Variants in OSBPL5 observed in about 807,000 individuals in gnomAD.
OSBPL5 encodes the protein oxysterol binding protein like 5, also known as oxysterol-binding protein-related protein 5.
Under a neutral mutation model 111.2 loss-of-function variants are expected in OSBPL5, and 71 were observed. That is an observed-to-expected ratio of 0.64 (90% CI 0.53 to 0.78). OSBPL5 has a LOEUF of 0.78. Ranked by LOEUF, OSBPL5 falls within the 30% of genes least tolerant of loss-of-function variation. OSBPL5 has a pLI of 0.00. For missense variants in OSBPL5, 1,210 were observed against 1,189.3 expected, an observed-to-expected ratio of 1.02 and a Z score of -0.26; for synonymous variants, 549 against 513.9, an observed-to-expected ratio of 1.07 and a Z score of -0.93.
intron 10 of OSBPL5, among the ~76,000 whole-genome samples, chr11:3,103,848 T>TTCCTGCCTCTGCAGCCCCC (rs1230373198): frequency 2.2e-4 from 12 of 55,176 alleles, no homozygotes; most frequent in East Asian, 1.3e-3. Flanking sequence ...CTGCAGCCCC[T>TTCCTGCCTCTGCAGCCCCC]TTCCAGTCTG....
Position 3,130,774 on chromosome 11 carries a change from C to G in OSBPL5, c.-21-1605G>C, listed in dbSNP as rs576584248. Among the ~76,000 whole-genome samples the G allele has an allele frequency of 2.0e-3, 304 of 152,338 alleles. 1 individual carries two copies. Among genetic ancestry groups the G allele is most frequent in the African/African-American group, 7.1e-3 (296 of 41,574 alleles). On this transcript the variant is annotated intron_variant, in intron 1 of 21. Coordinates refer to ENST00000263650, the MANE Select transcript of OSBPL5 (RefSeq NM_020896.4). The surrounding 1 kb of genome is among the most constrained non-coding windows in gnomAD (Gnocchi z 4.5). ...CTGCCCACTCAGTGTCTCAGCTTGGCTCAGCCAACCTGCCGCAGGGAAGCA... is the reference window on the plus strand; with the variant it reads ...CTGCCCACTCAGTGTCTCAGCTTGGGTCAGCCAACCTGCCGCAGGGAAGCA...
Position 3,088,068 on chromosome 11 carries a change from G to C in OSBPL5, c.*137C>G, listed in dbSNP as rs1023657819. 2.4e-6 allele frequency: 2 copies of C among 828,890 alleles called. No homozygotes were observed. Among genetic ancestry groups the C allele is most frequent in the South Asian group, 4.8e-5 (2 of 42,052 alleles). 51.3% of individuals were successfully genotyped at this position (828,890 alleles called of 1,614,324 possible). ...GGGCCCGCAGCGCCTTGTGGCCCCGGGTCCCTCCTGCGCCTGGACTCCCCG... is the reference window on the plus strand; with the variant it reads ...GGGCCCGCAGCGCCTTGTGGCCCCGCGTCCCTCCTGCGCCTGGACTCCCCG... On this transcript the variant is annotated 3_prime_UTR_variant, in exon 22 of 22. Transcript: ENST00000263650.
chr11:3,102,091 C>A (rs755598293), intron 12 of OSBPL5, 92 bp downstream of exon 12: 5 of 1,367,140 alleles, frequency 3.7e-6, no homozygotes, highest in Non-Finnish European at 5.0e-6. Context: ...CGGGGTCACG[C>A]TTGCCCCTGC....
At chr11:3,153,907 G>A (rs1846666828) in intron 1 of OSBPL5, among the ~76,000 whole-genome samples, 2 of 152,232 alleles carry the variant, frequency 1.3e-5, no homozygotes, top group South Asian at 2.1e-4. Context: ...GCCCTGGATA[G>A]CAGAGGCTCC....
rs372526942 is a variant in OSBPL5, at chr11:3,107,597, AG to A, written c.867-143del. 403 of 1,353,314 alleles carry A rather than the reference AG, an allele frequency of 3.0e-4. 1 individual carries two copies. The East Asian group carries it at 8.7e-3, about 29-fold the overall frequency. 83.8% of individuals were successfully genotyped at this position (1,353,314 alleles called of 1,614,324 possible). A position where few individuals can be genotyped will look rare whatever the true frequency, so the allele number is the denominator to read the frequency against. ...TCCACAACCCACATTTGACACGATC[AG>A]CCCCGTTTTAGAGGAAGGAACCGAG... On this transcript the variant is annotated intron_variant, in intron 8 of 21. Coordinates refer to ENST00000263650, the MANE Select transcript of OSBPL5 (RefSeq NM_020896.4). The surrounding 1 kb of genome is among the most constrained non-coding windows in gnomAD (Gnocchi z 6.1).
intron 1 of OSBPL5, among the ~76,000 whole-genome samples, chr11:3,153,031 T>G (rs1231918531): frequency 6.6e-6 from 1 of 152,034 alleles, no homozygotes; most frequent in Non-Finnish European, 1.5e-5. Flanking sequence ...AGGAGGAGTC[T>G]GGGGCCATTG....
At chr11:3,139,709 C>T (rs1397182903) in intron 1 of OSBPL5, among the ~76,000 whole-genome samples, 2 of 152,166 alleles carry the variant, frequency 1.3e-5, no homozygotes, top group Non-Finnish European at 2.9e-5. Context: ...CTCCCCTCCT[C>T]TCTCTCTGTC....
rs1590625885 is a variant in OSBPL5 at position 3,089,636 on chromosome 11, T to G, written c.2501+210A>C. Among the ~76,000 whole-genome samples, 3 of 152,172 alleles carry G rather than the reference T, an allele frequency of 2.0e-5. No individual in the cohort carries two copies. In the South Asian group the frequency reaches 6.2e-4, roughly 32 times the overall value. On this transcript the variant is annotated intron_variant, in intron 21 of 21. Transcript: ENST00000263650. ...GCCAGGCATGGCCAACTTGGCTGGT[T>G]GATCATCCCGCACCACCTGCCGCTC... is the stretch of plus-strand genomic sequence containing the variant.
chr11:3,116,096 G>A (rs1040186522), intron 7 of OSBPL5, among the ~76,000 whole-genome samples: 1 of 151,860 alleles, frequency 6.6e-6, no homozygotes, highest in Admixed American at 6.6e-5. Flanking sequence ...GGCTTATTTG[G>A]TATAAAAAAT....
At chr11:3,123,801 C>T (rs748038913) in intron 3 of OSBPL5, among the ~76,000 whole-genome samples, 26 of 152,342 alleles carry the variant, frequency 1.7e-4, no homozygotes, top group Non-Finnish European at 2.8e-4. Context: ...ATTCTCCAGC[C>T]ATGCATAAGG....
intron 7 of OSBPL5, among the ~76,000 whole-genome samples, chr11:3,112,092 T>C: frequency 7.5e-6 from 1 of 133,342 alleles, no homozygotes; most frequent in East Asian, 1.9e-4. Flanking sequence ...TGTGCATGTG[T>C]GTGTGCATAT....
intron 7 of OSBPL5, among the ~76,000 whole-genome samples, chr11:3,111,953 CTG>C (rs71464198): frequency 0.22 from 31,547 of 142,864 alleles, 3,769 homozygotes; most frequent in African/African-American, 0.3. Flanking sequence ...AACATCCAAG[CTG>C]TGTGTGTGTG....
At chr11:3,112,824 G>A (rs1245500410) in intron 7 of OSBPL5, among the ~76,000 whole-genome samples, 6 of 152,052 alleles carry the variant, frequency 3.9e-5, no homozygotes, top group Non-Finnish European at 7.4e-5. Context: ...TTTTCTCTCT[G>A]TACCTTATGC....
intron 15 of OSBPL5, 80 bp from the exon 16 acceptor site, chr11:3,093,915 C>G (rs994472383): frequency 1.3e-6 from 2 of 1,497,746 alleles, no homozygotes; most frequent in African/African-American, 1.4e-5. Flanking sequence ...GGGCACGGAA[C>G]AGTTATTCTC....
At chr11:3,127,349 G>A (rs1418056248) in intron 2 of OSBPL5, among the ~76,000 whole-genome samples, 2 of 152,236 alleles carry the variant, frequency 1.3e-5, no homozygotes, top group Non-Finnish European at 2.9e-5. Flanking sequence ...GCAACAGGCT[G>A]GGTGCGTGGA....
Position 3,104,064 on chromosome 11 carries a change from A to G in OSBPL5, c.1244+129T>C. On this transcript the variant is annotated intron_variant, in intron 10 of 21. Coordinates refer to ENST00000263650, the MANE Select transcript of OSBPL5 (RefSeq NM_020896.4). The surrounding 1 kb of genome is among the most constrained non-coding windows in gnomAD (Gnocchi z 5.0). ...CCCCTGGGAGGCTACAGCTGCAGAA[A>G]CAGTGGGCTGAGATCAGCCATGGGA... is the stretch of plus-strand genomic sequence containing the variant. 1.7e-6 allele frequency: 2 copies of G among 1,170,988 alleles called. No homozygotes were observed. Among genetic ancestry groups the G allele is most frequent in the Non-Finnish European group, 2.4e-6 (2 of 846,352 alleles). The allele number at this position is 1,170,988 out of a possible 1,614,324, so 72.5% of individuals were successfully genotyped here. A position where few individuals can be genotyped will look rare whatever the true frequency, so the allele number is the denominator to read the frequency against.
At chr11:3,139,596 G>T (rs1043591248) in intron 1 of OSBPL5, among the ~76,000 whole-genome samples, 1 of 152,168 alleles carries the variant, frequency 6.6e-6, no homozygotes, top group Admixed American at 6.5e-5. Context: ...GGGCAGGATG[G>T]GGGTGGCAGG....
Position 3,092,482 on chromosome 11 carries a change from C to T in OSBPL5, c.2209G>A (p.Ala737Thr), listed in dbSNP as rs781101351. 6.3e-7 allele frequency: 1 copy of T among 1,575,180 alleles called. No individual in the cohort carries two copies. The highest frequency in any genetic ancestry group is 1.2e-5 in the South Asian group (1 of 86,030). The change falls in exon 19 of 22, where the codon GCC becomes ACC. Residue 737 changes from alanine (A) to threonine (T), a missense_variant. Physicochemically the swap from Ala to Thr is moderately conservative, Grantham distance 58 (BLOSUM62 0). Transcript: ENST00000263650. The surrounding 1 kb of genome is among the most constrained non-coding windows in gnomAD (Gnocchi z 5.4). ...AGGAAGGTGGTCTGGCGGGCCACGG[C>T]CTCCTGCTGCAAGGTCCGCAGGATC... ...DGILRTLQQE[A>T]VARQTTFLGS...
intron 14 of OSBPL5, among the ~76,000 whole-genome samples, chr11:3,096,282 T>A (rs1191021067): frequency 6.6e-6 from 1 of 152,176 alleles, no homozygotes; most frequent in Non-Finnish European, 1.5e-5. Flanking sequence ...AGAGTTTGTT[T>A]GTTTGTTTTT....
Sources: allele counts gnomAD v4.1 joint callset (sites outside exome capture counted in the v4.1 genomes callset), GRCh38; gene constraint gnomAD v4.1.1; non-coding constraint Gnocchi (gnomAD v3.1); transcripts MANE v1.5; gene names NCBI Gene and HGNC (gene_info 2026-07-23, HGNC 2026-07-21).